The following MOB3B variants were observed in gnomAD, a reference collection of about 807,000 sequenced individuals.
The protein encoded by MOB3B is MOB kinase activator-like 2B.
A neutral mutation model predicts 18.7 loss-of-function variants in MOB3B; 7 were observed. The ratio of observed to expected loss-of-function variants is 0.37; its 90% CI spans 0.21 to 0.70. The LOEUF (loss-of-function observed/expected upper bound fraction) is 0.70, where lower values mean the gene tolerates loss of function less well. Among genes scored for constraint, MOB3B ranks in the 30% least tolerant of loss-of-function variants. MOB3B has a pLI of 0.52. For missense variants in MOB3B, 253 were observed against 281.3 expected, an observed-to-expected ratio of 0.90 and a Z score of 0.72; for synonymous variants, 111 against 99.9, an observed-to-expected ratio of 1.11 and a Z score of -0.66.
rs1819616804 is a variant in MOB3B at position 27,479,642 on chromosome 9, A to AT, written c.-198-23895dup. ...TTATAAACACCCCTACTCAAAAAAA[A>AT]TTTTTAAGATTAATAGGGAAAGGCA... On this transcript the variant is annotated intron_variant, in intron 1 of 3. Coordinates refer to ENST00000262244, the MANE Select transcript of MOB3B (RefSeq NM_024761.5). Among the ~76,000 whole-genome samples the AT allele has an allele frequency of 7.2e-5, 11 of 152,218 alleles. No individual in the cohort carries two copies. The South Asian group carries it at 2.3e-3, about 31-fold the overall frequency.
chr9:27,396,490 G>C (rs566201479), intron 2 of MOB3B, among the ~76,000 whole-genome samples: 1 of 152,252 alleles, frequency 6.6e-6, no homozygotes, highest in South Asian at 2.1e-4. Context: ...AGGTTAGTCA[G>C]AGTCAGTTTC....
In MOB3B at chr9:27,325,362, C is replaced by A. The variant is rs775630906; in HGVS notation, c.*5225G>T. ...ATGCTTAATACAATCATAAATGGAACCAAAAATATAGTAAACATTTCTTTT... is the reference window on the plus strand; with the variant it reads ...ATGCTTAATACAATCATAAATGGAAACAAAAATATAGTAAACATTTCTTTT... On this transcript the variant is annotated 3_prime_UTR_variant, in exon 4 of 4. Transcript: ENST00000262244. The A allele has an allele frequency of 1.3e-5, 2 of 151,916 alleles. No homozygotes were observed. Among genetic ancestry groups the A allele is most frequent in the African/African-American group, 2.4e-5 (1 of 41,346 alleles). The allele number at this position is 151,916 out of a possible 1,614,324, so 9.4% of individuals were successfully genotyped here.
intron 2 of MOB3B, among the ~76,000 whole-genome samples, chr9:27,435,869 G>A (rs1233444173): frequency 3.3e-5 from 5 of 152,148 alleles, no homozygotes; most frequent in African/African-American, 7.2e-5. Context: ...CCAAAGTGCT[G>A]GGATTAAAGG....
chr9:27,448,497 G>A (rs1822729438), intron 2 of MOB3B, among the ~76,000 whole-genome samples: 1 of 152,104 alleles, frequency 6.6e-6, no homozygotes, highest in Admixed American at 6.5e-5. Flanking sequence ...CAAGTGAAAG[G>A]GGTTTCCCCT....
At chr9:27,434,978 G>A (rs764209468) in intron 2 of MOB3B, among the ~76,000 whole-genome samples, 2 of 151,860 alleles carry the variant, frequency 1.3e-5, no homozygotes, top group African/African-American at 2.4e-5. Flanking sequence ...GTAGACACAG[G>A]CAGAGCTCTG....
At chr9:27,464,008 C>T (rs1819336622) in intron 1 of MOB3B, among the ~76,000 whole-genome samples, 1 of 152,012 alleles carries the variant, frequency 6.6e-6, no homozygotes, top group African/African-American at 2.4e-5. Flanking sequence ...ATGGTGCTTA[C>T]CTTTATTGTA....
At chr9:27,467,547 G>A (rs1380901669) in intron 1 of MOB3B, among the ~76,000 whole-genome samples, 2 of 152,238 alleles carry the variant, frequency 1.3e-5, no homozygotes, top group Non-Finnish European at 2.9e-5. Context: ...AGGCACCTCA[G>A]AGGGAAGCAC....
chr9:27,420,562 T>TGG (rs1435563396), intron 2 of MOB3B, among the ~76,000 whole-genome samples: 2 of 88,024 alleles, frequency 2.3e-5, no homozygotes, highest in African/African-American at 7.8e-5. Flanking sequence ...TATATATATA[T>TGG]ATATATATAT....
At chr9:27,481,387 A>C (rs184501208) in intron 1 of MOB3B, among the ~76,000 whole-genome samples, 1 of 152,290 alleles carries the variant, frequency 6.6e-6, no homozygotes, top group Admixed American at 6.5e-5. Context: ...AGGTGTAGGA[A>C]AGCAACAACC....
At chr9:27,520,656 G>C (rs1412830582) in intron 1 of MOB3B, among the ~76,000 whole-genome samples, 4 of 152,176 alleles carry the variant, frequency 2.6e-5, no homozygotes. Context: ...TAGTATGACA[G>C]GTGACCTCTT....
chr9:27,397,990 A>G (rs1244746373), intron 2 of MOB3B, among the ~76,000 whole-genome samples: 2 of 152,216 alleles, frequency 1.3e-5, no homozygotes, highest in Non-Finnish European at 2.9e-5. Context: ...GTGTTAGGCC[A>G]CTGATAAATT....
At chr9:27,467,856 A>G (rs1453139854) in intron 1 of MOB3B, among the ~76,000 whole-genome samples, 2 of 152,244 alleles carry the variant, frequency 1.3e-5, no homozygotes, top group African/African-American at 4.8e-5. Flanking sequence ...TAACAGGCCC[A>G]TTGGTTAACA....
At chr9:27,517,639 C>T (rs1258205290) in intron 1 of MOB3B, among the ~76,000 whole-genome samples, 1 of 89,962 alleles carries the variant, frequency 1.1e-5, no homozygotes, top group Non-Finnish European at 2.0e-5. Context: ...CAGAGCGAGA[C>T]TCTGTCTCAA....
At chr9:27,433,773 G>T (rs1048642381) in intron 2 of MOB3B, among the ~76,000 whole-genome samples, 14 of 152,184 alleles carry the variant, frequency 9.2e-5, no homozygotes, top group African/African-American at 3.4e-4. Flanking sequence ...CTTAGGAGTT[G>T]CAGGCTACAG....
intron 1 of MOB3B, among the ~76,000 whole-genome samples, chr9:27,495,857 T>C (rs564612080): frequency 6.6e-6 from 1 of 152,228 alleles, no homozygotes; most frequent in Admixed American, 6.5e-5. Flanking sequence ...GTTTCAAGAG[T>C]TCCCTTTACT....
intron 3 of MOB3B, among the ~76,000 whole-genome samples, chr9:27,354,297 T>G (rs995862829): frequency 6.6e-6 from 1 of 152,198 alleles, no homozygotes; most frequent in Admixed American, 6.5e-5. Flanking sequence ...AGAGTTTTCC[T>G]AGGACATGAG....
intron 2 of MOB3B, among the ~76,000 whole-genome samples, chr9:27,393,393 G>C (rs1821756526): frequency 6.6e-6 from 1 of 152,010 alleles, no homozygotes; most frequent in African/African-American, 2.4e-5. Context: ...GTGTGTGTGT[G>C]TGTGTAACAG....
chr9:27,445,837 T>C (rs1250267698), intron 2 of MOB3B, among the ~76,000 whole-genome samples: 1 of 152,016 alleles, frequency 6.6e-6, no homozygotes, highest in Non-Finnish European at 1.5e-5. Flanking sequence ...GAGCCTCCCA[T>C]TGCCGGCGGA....
intron 1 of MOB3B, among the ~76,000 whole-genome samples, chr9:27,507,210 C>G (rs909158003): frequency 7.7e-4 from 117 of 152,084 alleles, no homozygotes; most frequent in African/African-American, 2.7e-3. Context: ...GAAATTCATC[C>G]GTGGTCATAC....
Sources: gnomAD v4.1 joint callset for allele counts (sites outside exome capture counted in the v4.1 genomes callset) on GRCh38, gnomAD v4.1.1 for gene constraint, MANE v1.5 for transcripts, NCBI Gene and HGNC (gene_info 2026-07-23, HGNC 2026-07-21) for gene names.